Variants in NFIB observed in about 807,000 individuals in gnomAD.
The protein encoded by NFIB is nuclear factor 1 B-type.
Under a neutral mutation model 61.5 loss-of-function variants are expected in NFIB, and 11 were observed. The observed-to-expected ratio is 0.18, with a 90% CI of 0.11 to 0.30. NFIB has a LOEUF of 0.30. NFIB is among the 10% of genes least tolerant of loss of function. The pLI, the probability that NFIB is intolerant of heterozygous loss-of-function variation, is 1.00. For missense variants in NFIB, 471 were observed against 608.9 expected, an observed-to-expected ratio of 0.77 and a Z score of 2.38; for synonymous variants, 260 against 216.5, an observed-to-expected ratio of 1.20 and a Z score of -1.76.
intron 6 of NFIB, among the ~76,000 whole-genome samples, chr9:14,134,254 A>G (rs1563819813): frequency 6.6e-6 from 1 of 152,170 alleles, no homozygotes; most frequent in Non-Finnish European, 1.5e-5. Context: ...TGCTCTAGGG[A>G]ATGTAAATTG....
chr9:14,142,742 C>T (rs1227435258), intron 6 of NFIB, among the ~76,000 whole-genome samples: 1 of 152,086 alleles, frequency 6.6e-6, no homozygotes, highest in Non-Finnish European at 1.5e-5. Flanking sequence ...ACAGTCTAAT[C>T]TGGTTCTATT....
chr9:14,150,819 GAAT>G lies in NFIB; in HGVS notation c.686-557_686-555del, dbSNP rs1391798542. ...TGTTGATATTAATGTTGATAATATAGAATAATAATTTTTGGTTTGTAACACAAA... is the reference window on the plus strand; with the variant it reads ...TGTTGATATTAATGTTGATAATATAGAATAATTTTTGGTTTGTAACACAAA... On this transcript the variant is annotated intron_variant, in intron 4 of 10. Coordinates refer to ENST00000380953, the MANE Select transcript of NFIB (RefSeq NM_001190737.2). Among the ~76,000 whole-genome samples, 3 of 151,914 alleles carry G rather than the reference GAAT, an allele frequency of 2.0e-5. No individual in the cohort carries two copies. The South Asian group carries it at 6.3e-4, about 32-fold the overall frequency.
At chr9:14,432,477 C>G in the NFIB span, among the ~76,000 whole-genome samples, 3 of 152,254 alleles carry the variant, frequency 2.0e-5, no homozygotes, top group African/African-American at 7.2e-5. Flanking sequence ...CCAACACAAT[C>G]TCCTTCTTCA....
chr9:14,528,115 C>T, the NFIB span, among the ~76,000 whole-genome samples: 14 of 152,158 alleles, frequency 9.2e-5, no homozygotes, highest in Non-Finnish European at 1.5e-4. Flanking sequence ...ATATATCTTT[C>T]ACTTCAACTT....
intron 2 of NFIB, among the ~76,000 whole-genome samples, chr9:14,224,931 G>C (rs1270394769): frequency 6.6e-6 from 1 of 152,090 alleles, no homozygotes; most frequent in East Asian, 1.9e-4. Context: ...TCTTATAGGA[G>C]AGCACATGAC....
chr9:14,441,663 C>G, the NFIB span, among the ~76,000 whole-genome samples: 2 of 151,910 alleles, frequency 1.3e-5, no homozygotes, highest in African/African-American at 2.4e-5. Flanking sequence ...CAAGCAGCTT[C>G]CTGGGGGGTC....
intron 2 of NFIB, among the ~76,000 whole-genome samples, chr9:14,210,248 G>A (rs939314220): frequency 1.3e-5 from 2 of 152,070 alleles, no homozygotes; most frequent in Non-Finnish European, 2.9e-5. Flanking sequence ...AATATATAGA[G>A]AGGCATCCAA....
chr9:14,277,710 CAG>C (rs1414294180), intron 2 of NFIB, among the ~76,000 whole-genome samples: 1 of 152,176 alleles, frequency 6.6e-6, no homozygotes, highest in African/African-American at 2.4e-5. Flanking sequence ...GGGCTTCAAA[CAG>C]GGGGTTCAAA....
chr9:14,103,522 T>C (rs1257966576), intron 10 of NFIB, among the ~76,000 whole-genome samples: 1 of 152,170 alleles, frequency 6.6e-6, no homozygotes, highest in Non-Finnish European at 1.5e-5. Flanking sequence ...TAAATTATCA[T>C]AAACTTAAAA....
chr9:14,163,706 A>T (rs2044456385), intron 3 of NFIB, among the ~76,000 whole-genome samples: 1 of 152,160 alleles, frequency 6.6e-6, no homozygotes, highest in Middle Eastern at 3.4e-3. Context: ...AGAATTGAAC[A>T]TGACTGTTAG....
the NFIB span, among the ~76,000 whole-genome samples, chr9:14,528,449 A>ACAC: frequency 6.6e-6 from 1 of 152,206 alleles, no homozygotes; most frequent in African/African-American, 2.4e-5. Context: ...ACCTTGGATA[A>ACAC]CAGAGGATCT....
At position 14,391,039 on chromosome 9, in the gene NFIB, A is replaced by C. The variant is rs139234302; in HGVS notation, c.108+7485T>G. 3.2e-3 allele frequency among the ~76,000 whole-genome samples: 493 copies of C among 152,322 alleles called. 2 individuals carry two copies. The highest frequency in any genetic ancestry group is 5.9e-3 in the Non-Finnish European group (399 of 68,028). Reference sequence around the variant, plus strand: ...ACATTTCACATACAGAAGAATATCAATTTGTACAGATACTTTCCCCTCAAA... The same window carrying C: ...ACATTTCACATACAGAAGAATATCACTTTGTACAGATACTTTCCCCTCAAA... On this transcript the variant is annotated intron_variant, in intron 1 of 8. Transcript: ENST00000380934.
chr9:14,097,762 T>C (rs150602929), intron 10 of NFIB, among the ~76,000 whole-genome samples: 1,810 of 152,148 alleles, frequency 0.012, 19 homozygotes, highest in Non-Finnish European at 0.016. Context: ...ACAAAGAAAA[T>C]GTTATGAACA....
At chr9:14,089,914 T>C (rs2033594804) in intron 10 of NFIB, among the ~76,000 whole-genome samples, 1 of 152,146 alleles carries the variant, frequency 6.6e-6, no homozygotes, top group South Asian at 2.1e-4. Flanking sequence ...GAGTTAACAT[T>C]TCAAAACAAT....
chr9:14,472,827 C>T, the NFIB span, among the ~76,000 whole-genome samples: 4 of 151,490 alleles, frequency 2.6e-5, no homozygotes, highest in Non-Finnish European at 4.4e-5. Flanking sequence ...GGCGACAGAG[C>T]GAGACTCCGT....
chr9:14,498,314 G>T, the NFIB span, among the ~76,000 whole-genome samples: 1 of 152,200 alleles, frequency 6.6e-6, no homozygotes, highest in African/African-American at 2.4e-5. Context: ...ACAGACAAGG[G>T]TTTGTGTGAA....
chr9:14,408,372 T>C, the NFIB span, among the ~76,000 whole-genome samples: 6 of 152,226 alleles, frequency 3.9e-5, no homozygotes, highest in Non-Finnish European at 7.3e-5. Context: ...CTATGAGTAG[T>C]TCTTTTCATA....
chr9:14,314,183 G>T, upstream of NFIB: 2 of 774,522 alleles, frequency 2.6e-6, no homozygotes, highest in Non-Finnish European at 3.1e-6. Flanking sequence ...CCGGGGTGGG[G>T]GCGGGGTGGG....
intron 10 of NFIB, among the ~76,000 whole-genome samples, chr9:14,092,552 A>G (rs1023641627): frequency 1.3e-5 from 2 of 152,054 alleles, no homozygotes; most frequent in African/African-American, 4.8e-5. Flanking sequence ...AAGTCAGATG[A>G]CTTAACATAA....
Sources: allele counts gnomAD v4.1 joint callset (sites outside exome capture counted in the v4.1 genomes callset), GRCh38; gene constraint gnomAD v4.1.1; transcripts MANE v1.5; gene names NCBI Gene and HGNC (gene_info 2026-07-23, HGNC 2026-07-21).